LDB2: variants seen among roughly 807,000 people sequenced by gnomAD.
LDB2 encodes LIM domain binding 2, also known as LIM domain-binding protein 2.
A neutral mutation model predicts 44.3 loss-of-function variants in LDB2; 12 were observed. The observed-to-expected ratio is 0.27, with a 90% CI of 0.17 to 0.44. The LOEUF is 0.44. Ranked by LOEUF, LDB2 falls within the 20% of genes least tolerant of loss-of-function variation. The pLI, the probability that LDB2 is intolerant of heterozygous loss-of-function variation, is 1.00. For missense variants in LDB2, 344 were observed against 473.5 expected, an observed-to-expected ratio of 0.73 and a Z score of 2.54; for synonymous variants, 164 against 174.8, an observed-to-expected ratio of 0.94 and a Z score of 0.49.
At position 16,634,574 on chromosome 4, in the gene LDB2, C is replaced by T. The variant is rs1232861508; in HGVS notation, c.236-38699G>A. 2.0e-5 allele frequency among the ~76,000 whole-genome samples: 3 copies of T among 152,264 alleles called. No homozygotes were observed. The East Asian group carries it at 5.8e-4, about 29-fold the overall frequency. Reference sequence around the variant, plus strand: ...ATCATAACTGGTCATTAGAGAAATGCAAATCAAAACCACCATGAGATACCA... The same window carrying T: ...ATCATAACTGGTCATTAGAGAAATGTAAATCAAAACCACCATGAGATACCA... On this transcript the variant is annotated intron_variant, in intron 2 of 7. Coordinates refer to ENST00000304523, the MANE Select transcript of LDB2 (RefSeq NM_001290.5).
chr4:16,766,466 A>ATGTGTGTG lies in LDB2; in HGVS notation c.133-7207_133-7206insCACACACA, dbSNP rs1491271485. On this transcript the variant is annotated intron_variant, in intron 1 of 7. Transcript: ENST00000304523. ...TGTGTGTATATATATACACACACAT[A>ATGTGTGTG]TATGTGTGTGTGTGTGTGTGTGTGT... Among the ~76,000 whole-genome samples the ATGTGTGTG allele has an allele frequency of 5.7e-4, 35 of 61,216 alleles. 1 individual carries two copies. Among genetic ancestry groups the ATGTGTGTG allele is most frequent in the African/African-American group, 1.9e-3 (35 of 18,740 alleles). The allele number at this position is 61,216 out of a possible 152,430, so 40.2% of individuals were successfully genotyped here.
At chr4:16,727,896 G>C (rs1045868713) in intron 2 of LDB2, among the ~76,000 whole-genome samples, 1 of 152,114 alleles carries the variant, frequency 6.6e-6, no homozygotes, top group Non-Finnish European at 1.5e-5. Flanking sequence ...TCTAGCCCAA[G>C]TTTTACAGAT....
intron 2 of LDB2, among the ~76,000 whole-genome samples, chr4:16,612,487 A>G (rs574917214): frequency 1.3e-5 from 2 of 152,202 alleles, no homozygotes; most frequent in South Asian, 2.1e-4. Flanking sequence ...AGAAGAAGAG[A>G]AAAAAGAATC....
intron 5 of LDB2, among the ~76,000 whole-genome samples, chr4:16,525,924 C>T (rs1728082499): frequency 6.6e-6 from 1 of 152,134 alleles, no homozygotes; most frequent in East Asian, 1.9e-4. Flanking sequence ...ACAGCAGGTT[C>T]CATGGCATAG....
chr4:16,622,823 G>A (rs901550594), intron 2 of LDB2, among the ~76,000 whole-genome samples: 2 of 152,198 alleles, frequency 1.3e-5, no homozygotes, highest in Non-Finnish European at 2.9e-5. Flanking sequence ...ATAGTTGCCT[G>A]TAATTTTAGA....
chr4:16,575,726 A>T (rs1362441645), intron 5 of LDB2, among the ~76,000 whole-genome samples: 3 of 152,214 alleles, frequency 2.0e-5, no homozygotes, highest in Non-Finnish European at 4.4e-5. Context: ...TGAGGGAATT[A>T]AGAAGGAAAT....
At chr4:16,809,769 C>T (rs1055705690) in intron 1 of LDB2, among the ~76,000 whole-genome samples, 9 of 151,782 alleles carry the variant, frequency 5.9e-5, no homozygotes, top group African/African-American at 1.7e-4. Flanking sequence ...ACATGGGACT[C>T]GCTGATAAAC....
At chr4:16,705,630 C>G (rs756525138) in intron 2 of LDB2, among the ~76,000 whole-genome samples, 1 of 152,180 alleles carries the variant, frequency 6.6e-6, no homozygotes, top group Non-Finnish European at 1.5e-5. Flanking sequence ...GCTTTTTGTT[C>G]TAAGCCACTC....
chr4:16,562,843 T>G (rs1264901903), intron 5 of LDB2, among the ~76,000 whole-genome samples: 6 of 152,264 alleles, frequency 3.9e-5, no homozygotes, highest in African/African-American at 1.4e-4. Context: ...TAGACTGGAT[T>G]AAGAAAATGT....
chr4:16,508,759 C>G (rs962285921), intron 6 of LDB2, 73 bp from the exon 7 acceptor site: 2 of 1,424,282 alleles, frequency 1.4e-6, no homozygotes, highest in South Asian at 1.5e-5. Flanking sequence ...TATGGTTACT[C>G]TAAGGAAGCT....
rs146956901 is a variant in LDB2, at chr4:16,568,173, G to T, written c.615+17749C>A. ...GTGTAAATTAGACTGTAAGGTGATG[G>T]TGACAATAATGGTGGCCGTTAGTTC... On this transcript the variant is annotated intron_variant, in intron 5 of 7. Transcript: ENST00000304523. Among the ~76,000 whole-genome samples, 297 of 152,232 alleles carry T rather than the reference G, an allele frequency of 2.0e-3. 2 individuals carry two copies. The highest frequency in any genetic ancestry group is 6.7e-3 in the African/African-American group (278 of 41,536).
intron 1 of LDB2, among the ~76,000 whole-genome samples, chr4:16,850,550 T>A (rs889178098): frequency 1.3e-5 from 2 of 152,186 alleles, no homozygotes; most frequent in South Asian, 2.1e-4. Context: ...GTTTCCCACA[T>A]TGTAGAAATT....
At chr4:16,590,163 CCTCCATCTCGG>C (rs1718416135) in intron 3 of LDB2, among the ~76,000 whole-genome samples, 1 of 152,116 alleles carries the variant, frequency 6.6e-6, no homozygotes. Flanking sequence ...AGGAGCTGGG[CCTCCATCTCGG>C]CTTTGAGATC....
chr4:16,848,103 C>G (rs1418637746), intron 1 of LDB2, among the ~76,000 whole-genome samples: 1 of 152,066 alleles, frequency 6.6e-6, no homozygotes, highest in African/African-American at 2.4e-5. Context: ...TTTTGAAATC[C>G]AGCTACTTGT....
intron 1 of LDB2, among the ~76,000 whole-genome samples, chr4:16,783,225 T>C (rs985352917): frequency 1.3e-5 from 2 of 152,228 alleles, no homozygotes; most frequent in African/African-American, 4.8e-5. Flanking sequence ...CCCTGCTTCA[T>C]TGTCTGAGGC....
At chr4:16,813,945 C>A (rs1780405823) in intron 1 of LDB2, among the ~76,000 whole-genome samples, 1 of 151,336 alleles carries the variant, frequency 6.6e-6, no homozygotes, top group African/African-American at 2.4e-5. Flanking sequence ...GATCTCGGCT[C>A]ACTGCAAGCT....
chr4:16,700,347 CA>C (rs1357504056), intron 2 of LDB2, among the ~76,000 whole-genome samples: 1 of 152,008 alleles, frequency 6.6e-6, no homozygotes, highest in Non-Finnish European at 1.5e-5. Flanking sequence ...TGAAGCAACC[CA>C]AAAATATAAA....
At chr4:16,778,123 T>C (rs752116839) in intron 1 of LDB2, among the ~76,000 whole-genome samples, 3 of 152,160 alleles carry the variant, frequency 2.0e-5, no homozygotes, top group Admixed American at 2.0e-4. Flanking sequence ...GGCACACATA[T>C]TTGATCTGAA....
intron 5 of LDB2, among the ~76,000 whole-genome samples, chr4:16,562,240 G>A (rs1194794223): frequency 1.3e-5 from 2 of 152,126 alleles, no homozygotes; most frequent in African/African-American, 4.8e-5. Context: ...AAACTAAAGG[G>A]CTTCTGCACA....
Sources: allele counts gnomAD v4.1 joint callset (sites outside exome capture counted in the v4.1 genomes callset), GRCh38; gene constraint gnomAD v4.1.1; transcripts MANE v1.5; gene names NCBI Gene and HGNC (gene_info 2026-07-23, HGNC 2026-07-21).